The following FRMD4B variants were observed in gnomAD, a reference collection of about 807,000 sequenced individuals.
The protein encoded by FRMD4B is FERM domain-containing protein 4B.
A neutral mutation model predicts 141.5 loss-of-function variants in FRMD4B; 74 were observed. That is an observed-to-expected ratio of 0.52 (90% confidence interval 0.43 to 0.63). The LOEUF (loss-of-function observed/expected upper bound fraction) is 0.63, where lower values mean the gene tolerates loss of function less well. Among genes scored for constraint, FRMD4B ranks in the 30% least tolerant of loss-of-function variants. The pLI is 0.00. For missense variants in FRMD4B, 1,366 were observed against 1,253.4 expected (o/e 1.09, Z -1.36); for synonymous variants, 506 against 467.9 (o/e 1.08, Z -1.05).
intron 1 of FRMD4B, among the ~76,000 whole-genome samples, chr3:69,513,362 C>T (rs935117632): frequency 2.6e-5 from 4 of 152,016 alleles, no homozygotes; most frequent in African/African-American, 9.7e-5. Context: ...TGAAGAAATA[C>T]AAAATCTGAA....
rs890695519 is a variant in FRMD4B, at chr3:69,168,934, C to T, written c.*2927G>A. 3.9e-5 allele frequency among the ~76,000 whole-genome samples: 6 copies of T among 151,958 alleles called. No homozygotes were observed. The highest frequency in any genetic ancestry group is 5.9e-5 in the Non-Finnish European group (4 of 68,006). ...AAAATCCACCTTGTTAAACATATAT[C>T]TTTATGAGGTAGATCAGTATGTCTT... is the stretch of plus-strand genomic sequence containing the variant. On this transcript the variant is annotated 3_prime_UTR_variant, in exon 23 of 23. Coordinates refer to ENST00000398540, the MANE Select transcript of FRMD4B (RefSeq NM_015123.3).
intron 1 of FRMD4B, chr3:69,536,828 C>G (rs1701094908): frequency 2.7e-6 from 1 of 369,864 alleles, no homozygotes; most frequent in South Asian, 2.6e-5. Context: ...CTCACTGCAG[C>G]CTCAACCTCC....
chr3:69,487,835 C>T (rs1258971278), intron 1 of FRMD4B, among the ~76,000 whole-genome samples: 1 of 152,082 alleles, frequency 6.6e-6, no homozygotes, highest in African/African-American at 2.4e-5. Context: ...AGATGAATAC[C>T]CAGTATCTAT....
chr3:69,319,118 AG>A (rs756395997), intron 1 of FRMD4B, among the ~76,000 whole-genome samples: 1 of 152,214 alleles, frequency 6.6e-6, no homozygotes, highest in Non-Finnish European at 1.5e-5. Context: ...AAACCTATCA[AG>A]GGGGCATCCT....
intron 1 of FRMD4B, among the ~76,000 whole-genome samples, chr3:69,333,320 G>T (rs761030392): frequency 6.6e-6 from 1 of 152,196 alleles, no homozygotes; most frequent in Non-Finnish European, 1.5e-5. Context: ...GCAAGGAAGA[G>T]TTTCATCAAA....
At chr3:69,243,875 G>A (rs1028848393) in intron 7 of FRMD4B, among the ~76,000 whole-genome samples, 1 of 152,084 alleles carries the variant, frequency 6.6e-6, no homozygotes, top group African/African-American at 2.4e-5. Context: ...GTGAAACCCC[G>A]TCTCTACTAA....
chr3:69,270,603 C>T (rs968255311), intron 5 of FRMD4B, among the ~76,000 whole-genome samples: 4 of 146,476 alleles, frequency 2.7e-5, no homozygotes, highest in Admixed American at 2.2e-4. Flanking sequence ...GTCTCGCTCT[C>T]TCTCCAGGCT....
At chr3:69,342,949 T>C (rs1171874708) in intron 1 of FRMD4B, among the ~76,000 whole-genome samples, 1 of 152,148 alleles carries the variant, frequency 6.6e-6, no homozygotes, top group Non-Finnish European at 1.5e-5. Flanking sequence ...AAAGGTAGTT[T>C]TAAAATATTT....
chr3:69,289,778 C>T (rs1700812459), intron 4 of FRMD4B, among the ~76,000 whole-genome samples: 1 of 151,924 alleles, frequency 6.6e-6, no homozygotes, highest in Non-Finnish European at 1.5e-5. Context: ...GCAGCCTGGG[C>T]AACAGAGGGA....
At chr3:69,300,123 G>A (rs1701167113) in intron 4 of FRMD4B, among the ~76,000 whole-genome samples, 1 of 152,092 alleles carries the variant, frequency 6.6e-6, no homozygotes, top group East Asian at 1.9e-4. Context: ...CACTTCACTG[G>A]AGCACAAGAC....
chr3:69,435,584 G>A (rs62252264), intron 1 of FRMD4B, among the ~76,000 whole-genome samples: 57,877 of 152,008 alleles, frequency 0.38, 11,908 homozygotes, highest in African/African-American at 0.54. Flanking sequence ...AAACTCTCTG[G>A]TCCACAGGGC....
chr3:69,455,605 C>T (rs765101766), intron 1 of FRMD4B, among the ~76,000 whole-genome samples: 21 of 152,204 alleles, frequency 1.4e-4, no homozygotes, highest in Non-Finnish European at 2.4e-4. Context: ...GATGCACCAT[C>T]TTTAAGAACT....
intron 5 of FRMD4B, among the ~76,000 whole-genome samples, chr3:69,261,208 A>G (rs1472801119): frequency 4.6e-5 from 7 of 152,176 alleles, no homozygotes; most frequent in Non-Finnish European, 1.0e-4. Context: ...CTGCATTTTC[A>G]TTTATGAAGC....
intron 1 of FRMD4B, among the ~76,000 whole-genome samples, chr3:69,521,506 T>C (rs1211228305): frequency 6.6e-6 from 1 of 152,212 alleles, no homozygotes; most frequent in Admixed American, 6.5e-5. Context: ...TTAGTAAATA[T>C]CCCATGTGAC....
In FRMD4B at chr3:69,363,248, G is replaced by GTTTTTT. The variant is rs56074743; in HGVS notation, c.162+22574_162+22579dup. Among the ~76,000 whole-genome samples the GTTTTTT allele has an allele frequency of 1.7e-3, 223 of 132,720 alleles. 6 individuals carry two copies. The East Asian group carries it at 0.025, about 15-fold the overall frequency. The allele number at this position is 132,720 out of a possible 152,430, so 87.1% of individuals were successfully genotyped here. A position where few individuals can be genotyped will look rare whatever the true frequency, so the allele number is the denominator to read the frequency against. On this transcript the variant is annotated intron_variant, in intron 1 of 22. Coordinates refer to ENST00000398540, the MANE Select transcript of FRMD4B (RefSeq NM_015123.3). Reference sequence around the variant, plus strand: ...AAAAAGGATCACTTCTTTTTACCATGTTTTTTTTTTTTTTTTAAATAGAGA... The same window carrying GTTTTTT: ...AAAAAGGATCACTTCTTTTTACCATGTTTTTTTTTTTTTTTTTTTTTTAAATAGAGA...
At chr3:69,519,409 G>A (rs1300491286) in intron 1 of FRMD4B, among the ~76,000 whole-genome samples, 5 of 152,096 alleles carry the variant, frequency 3.3e-5, no homozygotes, top group Non-Finnish European at 5.9e-5. Flanking sequence ...TGTGTGTGGC[G>A]GGAGCTGGTA....
At chr3:69,293,880 CAAAAAAA>C (rs10699871) in intron 4 of FRMD4B, among the ~76,000 whole-genome samples, 5 of 74,448 alleles carry the variant, frequency 6.7e-5, no homozygotes, top group African/African-American at 3.0e-4. Flanking sequence ...GATTCTGCCT[CAAAAAAA>C]AAAAAAAAAA....
At chr3:69,536,586 A>C (rs1701089575) in intron 1 of FRMD4B, 1 of 762,790 alleles carries the variant, frequency 1.3e-6, no homozygotes, top group Non-Finnish European at 2.3e-6. Context: ...TGCCACCGGG[A>C]AGCTGCTGCA....
intron 7 of FRMD4B, among the ~76,000 whole-genome samples, chr3:69,233,112 G>C (rs2093321878): frequency 6.6e-6 from 1 of 151,834 alleles, no homozygotes; most frequent in East Asian, 1.9e-4. Flanking sequence ...AACCAAAGGT[G>C]CATAAAAAAT....
Sources: allele counts gnomAD v4.1 joint callset (sites outside exome capture counted in the v4.1 genomes callset), GRCh38; gene constraint gnomAD v4.1.1; transcripts MANE v1.5; gene names NCBI Gene and HGNC (gene_info 2026-07-23, HGNC 2026-07-21).